The following SCOC variants were observed in gnomAD, a reference collection of about 807,000 sequenced individuals.
The protein encoded by SCOC is short coiled coil protein.
SCOC carries 7 observed loss-of-function variants against 9.9 expected under a neutral mutation model. That is an observed-to-expected ratio of 0.71 (90% CI 0.40 to 1.33). The LOEUF (loss-of-function observed/expected upper bound fraction) is 1.33. Among genes scored for constraint, SCOC ranks in the 40% most tolerant of loss-of-function variants. The pLI is 0.01. For missense variants in SCOC, 66 were observed against 89.7 expected, an observed-to-expected ratio of 0.74 and a Z score of 1.07; for synonymous variants, 19 against 28.2, an observed-to-expected ratio of 0.67 and a Z score of 1.03.
At chr4:140,331,818 A>G (rs1189403126) in intron 1 of SCOC, among the ~76,000 whole-genome samples, 2 of 152,158 alleles carry the variant, frequency 1.3e-5, no homozygotes, top group African/African-American at 2.4e-5. Flanking sequence ...TGGATTTTGT[A>G]TTATCTGTTC....
At chr4:140,261,222 GGGTTTGTTGTCCGT>G (rs1399499303) in intron 1 of SCOC, among the ~76,000 whole-genome samples, 1 of 152,182 alleles carries the variant, frequency 6.6e-6, no homozygotes, top group Non-Finnish European at 1.5e-5. Flanking sequence ...CAGAGACTTG[GGGTTTGTTGTCCGT>G]GGCACTAGGC....
At chr4:140,364,672 TACA>T (rs2126564613) in intron 2 of SCOC, among the ~76,000 whole-genome samples, 1 of 152,336 alleles carries the variant, frequency 6.6e-6, no homozygotes, top group African/African-American at 2.4e-5. Flanking sequence ...TTAATGGCTG[TACA>T]ACAAGAAGGC....
intron 2 of SCOC, among the ~76,000 whole-genome samples, chr4:140,349,237 G>A (rs755814185): frequency 2.6e-5 from 4 of 152,160 alleles, no homozygotes; most frequent in Non-Finnish European, 5.9e-5. Context: ...GCATGTGCCC[G>A]GCTCAAAAGG....
At chr4:140,261,499 G>A (rs1316096252) in intron 1 of SCOC, among the ~76,000 whole-genome samples, 2 of 152,130 alleles carry the variant, frequency 1.3e-5, no homozygotes, top group Non-Finnish European at 1.5e-5. Flanking sequence ...CATTCATTTG[G>A]GTCCCTTTGA....
upstream of SCOC, among the ~76,000 whole-genome samples, chr4:140,343,277 A>G (rs942163892): frequency 6.6e-6 from 1 of 152,132 alleles, no homozygotes; most frequent in African/African-American, 2.4e-5. Context: ...TATAAAGTCA[A>G]TTTCTTCCCC....
chr4:140,344,552 A>C (rs1325113891), intron 2 of SCOC, among the ~76,000 whole-genome samples: 1 of 152,240 alleles, frequency 6.6e-6, no homozygotes, highest in Non-Finnish European at 1.5e-5. Flanking sequence ...GTGCAGCCAG[A>C]CAATTAACAC....
At chr4:140,315,629 T>A (rs2126473851) in intron 1 of SCOC, among the ~76,000 whole-genome samples, 1 of 152,342 alleles carries the variant, frequency 6.6e-6, no homozygotes, top group South Asian at 2.1e-4. Context: ...CCCAGGACTT[T>A]CTGCAGTGGC....
intron 1 of SCOC, among the ~76,000 whole-genome samples, chr4:140,307,966 G>A (rs1732040443): frequency 6.6e-6 from 1 of 152,096 alleles, no homozygotes; most frequent in African/African-American, 2.4e-5. Context: ...ACAGGAAGAC[G>A]GCCTTTATGG....
At chr4:140,311,747 A>C (rs1732161709) in intron 1 of SCOC, among the ~76,000 whole-genome samples, 1 of 152,194 alleles carries the variant, frequency 6.6e-6, no homozygotes, top group Non-Finnish European at 1.5e-5. Context: ...TTTTGGTCTT[A>C]CATTTCTTAC....
At chr4:140,319,106 T>C (rs1261918217) in intron 1 of SCOC, among the ~76,000 whole-genome samples, 2 of 152,204 alleles carry the variant, frequency 1.3e-5, no homozygotes, top group Admixed American at 6.5e-5. Context: ...CTTCTCTTTT[T>C]TTGAGATGGA....
At chr4:140,267,190 G>C (rs1348602384) in intron 1 of SCOC, among the ~76,000 whole-genome samples, 1 of 152,222 alleles carries the variant, frequency 6.6e-6, no homozygotes, top group African/African-American at 2.4e-5. Flanking sequence ...GAGTCAGCGG[G>C]AACCACAGTG....
chr4:140,274,096 A>T (rs576182529), intron 1 of SCOC, among the ~76,000 whole-genome samples: 29 of 152,366 alleles, frequency 1.9e-4, no homozygotes, highest in Middle Eastern at 6.8e-3. Context: ...TACATTTAAA[A>T]TCATAGGGAA....
At chr4:140,325,667 T>C (rs1225306746) in intron 1 of SCOC, among the ~76,000 whole-genome samples, 1 of 152,144 alleles carries the variant, frequency 6.6e-6, no homozygotes, top group Non-Finnish European at 1.5e-5. Context: ...ATTTCTGGAA[T>C]AGAGAAAAAC....
intron 1 of SCOC, chr4:140,284,264 A>T (rs1356606004): frequency 1.3e-5 from 2 of 151,624 alleles, no homozygotes; most frequent in East Asian, 1.9e-4. Flanking sequence ...CAAACCATTG[A>T]TTACTCTTAA....
intron 1 of SCOC, among the ~76,000 whole-genome samples, chr4:140,257,722 G>C (rs1049228581): frequency 6.6e-6 from 1 of 152,150 alleles, no homozygotes; most frequent in Admixed American, 6.5e-5. Context: ...TGTGTGAAGA[G>C]CTCAGCACAG....
At chr4:140,368,685 G>A (rs948810149), upstream of SCOC, among the ~76,000 whole-genome samples, 3 of 152,144 alleles carry the variant, frequency 2.0e-5, no homozygotes, top group East Asian at 1.9e-4. Context: ...AGGTAAGAGC[G>A]AGGGTATAGT....
chr4:140,311,109 G>A (rs1371772559), intron 1 of SCOC, among the ~76,000 whole-genome samples: 2 of 152,134 alleles, frequency 1.3e-5, no homozygotes, highest in African/African-American at 4.8e-5. Flanking sequence ...CACACCTGCA[G>A]TCCTAACTAC....
At chr4:140,258,560 A>G (rs1314058124) in intron 1 of SCOC, among the ~76,000 whole-genome samples, 1 of 152,126 alleles carries the variant, frequency 6.6e-6, no homozygotes, top group African/African-American at 2.4e-5. Context: ...TGCCATGCCA[A>G]TCTCTCTCTC....
intron 1 of SCOC, among the ~76,000 whole-genome samples, chr4:140,338,416 G>C (rs1733020997): frequency 6.6e-6 from 1 of 152,162 alleles, no homozygotes; most frequent in Non-Finnish European, 1.5e-5. Context: ...TGTCACCATT[G>C]CTATTCAACA....
Sources: allele counts gnomAD v4.1 joint callset (sites outside exome capture counted in the v4.1 genomes callset), GRCh38; gene constraint gnomAD v4.1.1; transcripts MANE v1.5; gene names NCBI Gene and HGNC (gene_info 2026-07-23, HGNC 2026-07-21).